KLHL29: variants seen among roughly 807,000 people sequenced by gnomAD.
KLHL29 encodes the protein kelch like family member 29.
KLHL29 carries 21 observed loss-of-function variants against 80.4 expected under a neutral mutation model. That is an observed-to-expected ratio of 0.26 (90% CI 0.19 to 0.38). The LOEUF is 0.38. Ranked by LOEUF, KLHL29 falls within the 10% of genes least tolerant of loss-of-function variation. KLHL29 has a pLI of 1.00. For synonymous variants in KLHL29, 511 were observed against 526.8 expected (o/e 0.97, Z 0.41); for missense variants, 867 against 1,223.9 (o/e 0.71, Z 4.35).
At position 23,466,582 on chromosome 2, in the gene KLHL29, G is replaced by A. The variant is rs546861055; in HGVS notation, c.-153-8978G>A. On this transcript the variant is annotated intron_variant, in intron 1 of 13. Transcript: ENST00000486442. ...GGAGGCTCTCCCCTACCGTGTGTGG[G>A]CCCGAGATGGAGAGGAGGGAAATTT... Among the ~76,000 whole-genome samples the A allele has an allele frequency of 7.2e-5, 11 of 152,316 alleles. No individual in the cohort carries two copies. The South Asian group carries it at 2.3e-3, about 32-fold the overall frequency.
At chr2:23,582,435 G>A (rs1572416196) in intron 3 of KLHL29, among the ~76,000 whole-genome samples, 1 of 152,198 alleles carries the variant, frequency 6.6e-6, no homozygotes, top group Non-Finnish European at 1.5e-5. Flanking sequence ...TGGGGGTGGA[G>A]GATGGGGATG....
intron 4 of KLHL29, among the ~76,000 whole-genome samples, chr2:23,641,590 T>C (rs1019865881): frequency 1.4e-4 from 21 of 152,234 alleles, no homozygotes; most frequent in African/African-American, 4.8e-4. Context: ...GCTAGTTTTG[T>C]TTTGTTTTGT....
chr2:23,684,533 C>A lies in KLHL29; in HGVS notation c.1075C>A (p.Gln359Lys). ...SCSLYFKDLI[Q>K]RSVQDSGQGG... ...CAGCTTGTATTTCAAGGACCTGATT[C>A]AAAGGTTTGCCTTCCTTCCAGCTGT... is the stretch of plus-strand genomic sequence containing the variant. Residue 359 changes from glutamine (Q) to lysine (K), a missense_variant, in exon 6 of 14, where the codon CAA becomes AAA. By Grantham distance (53) the Gln-to-Lys change is moderately conservative. Around this residue, in one of 2 missense-constraint regions of KLHL29, gnomAD observed 443 missense variants for 767.0 expected, o/e 0.58. Transcript: ENST00000486442. This position sits in a 1 kb window ranked among gnomAD's most constrained non-coding sequence, Gnocchi z 4.4. 1 of 1,545,140 alleles carries A rather than the reference C, an allele frequency of 6.5e-7. No homozygotes were observed.
intron 1 of KLHL29, among the ~76,000 whole-genome samples, chr2:23,472,424 A>G (rs1408233878): frequency 1.3e-5 from 2 of 152,192 alleles, no homozygotes; most frequent in Non-Finnish European, 2.9e-5. Context: ...TCACAAGGTC[A>G]GAAGATCAAG....
At chr2:23,484,964 G>A (rs962078647) in intron 2 of KLHL29, among the ~76,000 whole-genome samples, 3 of 152,198 alleles carry the variant, frequency 2.0e-5, no homozygotes, top group South Asian at 2.1e-4. Context: ...CTCCAGGGCC[G>A]CCCCCGAGGG....
intron 3 of KLHL29, among the ~76,000 whole-genome samples, chr2:23,618,781 CAG>C (rs752507123): frequency 1.3e-5 from 2 of 152,186 alleles, no homozygotes; most frequent in Non-Finnish European, 2.9e-5. Context: ...TCCATTAAGG[CAG>C]GGGTTGAAAT....
chr2:23,522,626 G>C (rs1666139782), intron 2 of KLHL29, among the ~76,000 whole-genome samples: 1 of 152,162 alleles, frequency 6.6e-6, no homozygotes, highest in Non-Finnish European at 1.5e-5. Context: ...GGTGAGGCGG[G>C]TCTTTTGGGT....
intron 2 of KLHL29, among the ~76,000 whole-genome samples, chr2:23,506,842 C>T (rs1274831140): frequency 6.6e-6 from 1 of 152,152 alleles, no homozygotes; most frequent in South Asian, 2.1e-4. Flanking sequence ...CATGAGCCTG[C>T]CTTCTGCATC....
At chr2:23,556,164 C>T (rs1667285989) in intron 2 of KLHL29, among the ~76,000 whole-genome samples, 1 of 152,164 alleles carries the variant, frequency 6.6e-6, no homozygotes, top group African/African-American at 2.4e-5. Flanking sequence ...GAGAAGGCAG[C>T]GGGGAGCCTG....
In KLHL29 at chr2:23,642,656, C is replaced by G; in HGVS notation, c.746C>G (p.Pro249Arg). The G allele has an allele frequency of 1.9e-6, 3 of 1,548,572 alleles. No individual in the cohort carries two copies. Among genetic ancestry groups the G allele is most frequent in the Non-Finnish European group, 2.6e-6 (3 of 1,145,830 alleles). ...PGVGQVARPG[P>R]TAVGNGHMAG... is the part of the protein sequence containing the mutation. ...GTGGGGCAGGTGGCCCGCCCAGGAC[C>G]CACCGCTGTGGGCAACGGCCACATG... Residue 249 changes from proline to arginine, a missense_variant, in exon 5 of 14, where the codon CCC becomes CGC. Around this residue, in one of 2 missense-constraint regions of KLHL29, gnomAD observed 424 missense variants for 456.9 expected, o/e 0.93. Transcript: ENST00000486442.
intron 2 of KLHL29, among the ~76,000 whole-genome samples, chr2:23,535,730 C>T (rs139122359): frequency 7.6e-4 from 115 of 152,132 alleles, no homozygotes; most frequent in African/African-American, 2.4e-3. Context: ...GAAAGTAGAA[C>T]GGTGGGTGCC....
rs1317718766 is a variant in KLHL29 at position 23,695,871 on chromosome 2, A to C, written c.1741+50A>C. On this transcript the variant is annotated intron_variant, in intron 9 of 13. Coordinates refer to ENST00000486442, the MANE Select transcript of KLHL29 (RefSeq NM_052920.2). The surrounding 1 kb of genome is among the most constrained non-coding windows in gnomAD (Gnocchi z 7.6). ...TCCCAAGAAGCAGTGTCTTGGGCTC[A>C]GTGGTTCCAGTGAGGTGCCAGGCAC... 2 of 1,534,786 alleles carry C rather than the reference A, an allele frequency of 1.3e-6. No individual in the cohort carries two copies. The highest frequency in any genetic ancestry group is 4.0e-5 in the Admixed American group (2 of 50,196).
At chr2:23,512,261 C>T (rs1332075754) in intron 2 of KLHL29, among the ~76,000 whole-genome samples, 1 of 152,138 alleles carries the variant, frequency 6.6e-6, no homozygotes, top group Non-Finnish European at 1.5e-5. Flanking sequence ...GCCTGACGCA[C>T]ATGGAGAAAC....
At chr2:23,580,277 C>T (rs1164431307) in intron 3 of KLHL29, among the ~76,000 whole-genome samples, 1 of 151,916 alleles carries the variant, frequency 6.6e-6, no homozygotes, top group East Asian at 1.9e-4. Context: ...GAGGCTGAGG[C>T]AGGAGAATGG....
intron 5 of KLHL29, among the ~76,000 whole-genome samples, chr2:23,645,752 C>T (rs758482581): frequency 2.2e-4 from 34 of 152,276 alleles, no homozygotes; most frequent in Admixed American, 5.9e-4. Flanking sequence ...ATCTTCTGAT[C>T]GACTGAGCTC....
At chr2:23,434,320 CAAAAAA>C (rs34991893) in intron 1 of KLHL29, among the ~76,000 whole-genome samples, 2 of 54,920 alleles carry the variant, frequency 3.6e-5, no homozygotes, top group African/African-American at 8.0e-5. Flanking sequence ...GACTCCGTCT[CAAAAAA>C]AAAAAAAAAA....
At chr2:23,450,496 C>G (rs1663845305) in intron 1 of KLHL29, among the ~76,000 whole-genome samples, 2 of 152,160 alleles carry the variant, frequency 1.3e-5, no homozygotes, top group Non-Finnish European at 2.9e-5. Context: ...CTGATCCCTT[C>G]TCTGCAGAAC....
At chr2:23,603,138 G>A (rs1668616790) in intron 3 of KLHL29, among the ~76,000 whole-genome samples, 1 of 152,138 alleles carries the variant, frequency 6.6e-6, no homozygotes, top group African/African-American at 2.4e-5. Flanking sequence ...GGCAAACAAG[G>A]GCTCAGGAAA....
At chr2:23,524,233 A>G in intron 2 of KLHL29, 1 of 304,720 alleles carries the variant, frequency 3.3e-6, no homozygotes. Flanking sequence ...CCGGCTCCTC[A>G]TCCACATCTC....
Sources: gnomAD v4.1 joint callset for allele counts (sites outside exome capture counted in the v4.1 genomes callset) on GRCh38, gnomAD v4.1.1 for gene constraint, gnomAD v4.1.1 regional missense constraint, Gnocchi (gnomAD v3.1) non-coding constraint, MANE v1.5 for transcripts, NCBI Gene and HGNC (gene_info 2026-07-23, HGNC 2026-07-21) for gene names.